APBA2: variants seen among roughly 807,000 people sequenced by gnomAD.
APBA2 encodes amyloid beta precursor protein binding family A member 2, also known as amyloid-beta A4 precursor protein-binding family A member 2.
Under a neutral mutation model 75.0 loss-of-function variants are expected in APBA2, and 30 were observed. The ratio of observed to expected loss-of-function variants is 0.40; its 90% CI spans 0.30 to 0.54. APBA2 has a LOEUF of 0.54. Among genes scored for constraint, APBA2 ranks in the 20% least tolerant of loss-of-function variants. The pLI is 0.49. For synonymous variants in APBA2, 444 were observed against 409.6 expected, an observed-to-expected ratio of 1.08 and a Z score of -1.01; for missense variants, 801 against 1,016.1, an observed-to-expected ratio of 0.79 and a Z score of 2.88.
intron 12 of APBA2, among the ~76,000 whole-genome samples, chr15:29,107,497 A>C (rs2044486223): frequency 6.6e-6 from 1 of 152,136 alleles, no homozygotes; most frequent in Admixed American, 6.5e-5. Flanking sequence ...TTGGTGCTGG[A>C]GGAAGCGCCT....
intron 3 of APBA2, among the ~76,000 whole-genome samples, chr15:29,010,171 T>G (rs901846765): frequency 5.9e-5 from 9 of 152,232 alleles, no homozygotes; most frequent in African/African-American, 2.2e-4. Flanking sequence ...AATACTTGTC[T>G]TGTGCTTTTC....
In APBA2 at chr15:29,117,333, C is replaced by T. The variant is rs2045252446; in HGVS notation, c.*200C>T. On this transcript the variant is annotated 3_prime_UTR_variant, in exon 15 of 15. Coordinates refer to ENST00000683413, the MANE Select transcript of APBA2 (RefSeq NM_001353788.2). ...GTATGTCTTTATCAAAGGAGAGTCA[C>T]AGAACAAATGTTTGTTTGTAAAGCG... 1.7e-6 allele frequency: 1 copy of T among 605,400 alleles called. No individual in the cohort carries two copies. Among genetic ancestry groups the T allele is most frequent in the South Asian group, 1.9e-5 (1 of 51,316 alleles). The allele number at this position is 605,400 out of a possible 1,614,324, so 37.5% of individuals were successfully genotyped here.
At chr15:29,041,347 G>T (rs1157967610) in intron 3 of APBA2, among the ~76,000 whole-genome samples, 1 of 151,956 alleles carries the variant, frequency 6.6e-6, no homozygotes, top group African/African-American at 2.4e-5. Context: ...GCTGAGCCTG[G>T]TGGCACACAC....
At chr15:28,924,778 G>T (rs955572523) in intron 2 of APBA2, among the ~76,000 whole-genome samples, 2 of 152,138 alleles carry the variant, frequency 1.3e-5, no homozygotes, top group Non-Finnish European at 2.9e-5. Flanking sequence ...TATGTATTTA[G>T]GAGTGGAATT....
chr15:28,972,518 AG>A (rs1444163589), intron 2 of APBA2, among the ~76,000 whole-genome samples: 18 of 152,368 alleles, frequency 1.2e-4, no homozygotes, highest in South Asian at 2.1e-4. Context: ...TTATATGCAA[AG>A]TCTGGTGTCA....
chr15:29,045,809 A>C (rs1051683916), intron 3 of APBA2, among the ~76,000 whole-genome samples: 1 of 152,190 alleles, frequency 6.6e-6, no homozygotes, highest in Non-Finnish European at 1.5e-5. Flanking sequence ...AGAGCAAAAC[A>C]GATTGTAGTC....
Position 28,980,711 on chromosome 15 carries a change from C to T in APBA2, c.-94-15042C>T, listed in dbSNP as rs537651897. ...AAACTATTCCAAAATTAATATGGAA[C>T]CAAAACAGAGCCAGATAGCCAAAGC... On this transcript the variant is annotated intron_variant, in intron 2 of 14. Coordinates refer to ENST00000683413, the MANE Select transcript of APBA2 (RefSeq NM_001353788.2). Among the ~76,000 whole-genome samples, 3 of 152,220 alleles carry T rather than the reference C, an allele frequency of 2.0e-5. No homozygotes were observed. In the South Asian group the frequency reaches 6.2e-4, roughly 32 times the overall value.
chr15:28,896,688 T>C (rs1327625845), intron 1 of APBA2, among the ~76,000 whole-genome samples: 2 of 152,206 alleles, frequency 1.3e-5, no homozygotes, highest in African/African-American at 4.8e-5. Flanking sequence ...GGGCAGTGCC[T>C]GATTCTGGAG....
At chr15:28,951,728 G>T (rs1312218126) in intron 2 of APBA2, among the ~76,000 whole-genome samples, 1 of 152,070 alleles carries the variant, frequency 6.6e-6, no homozygotes, top group Non-Finnish European at 1.5e-5. Flanking sequence ...GGGACTACAG[G>T]CGTGTGCCAC....
chr15:29,084,397 A>T (rs999529794), intron 6 of APBA2, among the ~76,000 whole-genome samples: 2 of 152,234 alleles, frequency 1.3e-5, no homozygotes, highest in Non-Finnish European at 2.9e-5. Flanking sequence ...AACTTCAAGC[A>T]TATGAAAAAA....
intron 2 of APBA2, chr15:28,976,982 A>C (rs2037371889): frequency 1.3e-5 from 2 of 152,332 alleles, no homozygotes; most frequent in African/African-American, 2.4e-5. Flanking sequence ...TGACTAATTA[A>C]ATTTCCTTAA....
chr15:29,047,199 A>G (rs1399331133), intron 3 of APBA2, among the ~76,000 whole-genome samples: 1 of 152,224 alleles, frequency 6.6e-6, no homozygotes, highest in Admixed American at 6.5e-5. Context: ...AAAGTGCCCC[A>G]GTAGGTTCCG....
At chr15:28,887,300 CCT>C in intron 1 of APBA2, among the ~76,000 whole-genome samples, 1 of 152,262 alleles carries the variant, frequency 6.6e-6, no homozygotes, top group South Asian at 2.1e-4. Context: ...ACCTCCTGTG[CCT>C]CTTTCTGTTT....
chr15:29,094,158 C>A, intron 7 of APBA2, 120 bp from the exon 8 acceptor site: 2 of 1,063,292 alleles, frequency 1.9e-6, no homozygotes, highest in Non-Finnish European at 2.9e-6. Flanking sequence ...CCCGTCCCTG[C>A]TGGGCTTTGC....
intron 2 of APBA2, among the ~76,000 whole-genome samples, chr15:28,949,351 C>T (rs2152719545): frequency 6.6e-6 from 1 of 152,280 alleles, no homozygotes; most frequent in Admixed American, 6.5e-5. Context: ...GGCAGAAGCC[C>T]CTGGGGTATC....
intron 13 of APBA2, among the ~76,000 whole-genome samples, chr15:29,112,427 C>G (rs977111833): frequency 6.6e-6 from 1 of 152,170 alleles, no homozygotes; most frequent in African/African-American, 2.4e-5. Context: ...GACGGGGAGG[C>G]CCCCTCACAG....
intron 2 of APBA2, among the ~76,000 whole-genome samples, chr15:28,947,732 C>T (rs2152716133): frequency 6.6e-6 from 1 of 152,264 alleles, no homozygotes; most frequent in East Asian, 1.9e-4. Flanking sequence ...CAGCAAAGCG[C>T]CTCTAGAGAC....
chr15:28,891,914 G>C (rs555440568), intron 1 of APBA2, among the ~76,000 whole-genome samples: 1 of 152,266 alleles, frequency 6.6e-6, no homozygotes, highest in Admixed American at 6.5e-5. Flanking sequence ...TAAAGTTGTA[G>C]TGCAGTTACT....
rs559658837 is a variant in APBA2, at chr15:28,919,894, C to T, written c.-204-1746C>T. ...GCATGGCTGTGGGTGCTCCGTGTGG[C>T]GACAGTGGCATGTTCTGTGGCAGCT... On this transcript the variant is annotated intron_variant, in intron 1 of 14. Coordinates refer to ENST00000683413, the MANE Select transcript of APBA2 (RefSeq NM_001353788.2). Among the ~76,000 whole-genome samples the T allele has an allele frequency of 9.8e-5, 15 of 152,310 alleles. No individual in the cohort carries two copies. In the South Asian group the frequency reaches 3.1e-3, roughly 32 times the overall value.
Sources: gnomAD v4.1 joint callset for allele counts (sites outside exome capture counted in the v4.1 genomes callset) on GRCh38, gnomAD v4.1.1 for gene constraint, MANE v1.5 for transcripts, NCBI Gene and HGNC (gene_info 2026-07-23, HGNC 2026-07-21) for gene names.